The following DPP6 variants were observed in gnomAD, a reference collection of about 807,000 sequenced individuals.
DPP6 encodes dipeptidyl peptidase like 6, also known as A-type potassium channel modulatory protein DPP6.
A neutral mutation model predicts 122.6 loss-of-function variants in DPP6; 69 were observed. That is an observed-to-expected ratio of 0.56 (90% CI 0.46 to 0.69). The LOEUF is 0.69. Ranked by LOEUF, DPP6 falls within the 30% of genes least tolerant of loss-of-function variation. DPP6 has a pLI of 0.00. For synonymous variants in DPP6, 418 were observed against 433.1 expected (o/e 0.97, Z 0.43); for missense variants, 928 against 1,116.9 (o/e 0.83, Z 2.41).
intron 6 of DPP6, among the ~76,000 whole-genome samples, chr7:154,653,492 T>TGATA (rs535495757): frequency 1.3e-5 from 2 of 152,206 alleles, no homozygotes; most frequent in South Asian, 2.1e-4. Flanking sequence ...AATCCATGGA[T>TGATA]GATAGATAGA....
At chr7:153,879,003 A>C in the DPP6 span, among the ~76,000 whole-genome samples, 1 of 152,034 alleles carries the variant, frequency 6.6e-6, no homozygotes, top group South Asian at 2.1e-4. Context: ...ACAGAAAAAG[A>C]AAAAAAATGA....
chr7:154,262,279 G>A (rs1803079074), intron 1 of DPP6, among the ~76,000 whole-genome samples: 1 of 152,142 alleles, frequency 6.6e-6, no homozygotes, highest in Admixed American at 6.5e-5. Flanking sequence ...TTGGTTGTGA[G>A]GACCTCAGAA....
At chr7:154,183,162 T>G (rs1417574381) in intron 1 of DPP6, among the ~76,000 whole-genome samples, 1 of 152,214 alleles carries the variant, frequency 6.6e-6, no homozygotes, top group Non-Finnish European at 1.5e-5. Flanking sequence ...TCTTCCTCCT[T>G]TCTTGCCCCC....
At chr7:153,907,620 C>T (rs1799904012) in intron 1 of DPP6, among the ~76,000 whole-genome samples, 1 of 152,146 alleles carries the variant, frequency 6.6e-6, no homozygotes, top group African/African-American at 2.4e-5. Context: ...ATTGCCTTCC[C>T]TGGTGCAGTG....
At chr7:153,795,811 G>T in the DPP6 span, among the ~76,000 whole-genome samples, 5 of 150,264 alleles carry the variant, frequency 3.3e-5, no homozygotes, top group Non-Finnish European at 7.4e-5. Flanking sequence ...TCATTCCCTT[G>T]AAAATTCTTT....
chr7:153,994,871 A>T (rs867194866), intron 1 of DPP6, among the ~76,000 whole-genome samples: 2 of 152,216 alleles, frequency 1.3e-5, no homozygotes, highest in Non-Finnish European at 2.9e-5. Flanking sequence ...GTTTTAGAAG[A>T]TGCTTTTGGG....
the DPP6 span, among the ~76,000 whole-genome samples, chr7:153,803,198 A>T: frequency 6.6e-6 from 1 of 150,554 alleles, no homozygotes; most frequent in Non-Finnish European, 1.5e-5. Flanking sequence ...CTAGCCTGGG[A>T]TATTTATCCA....
At chr7:154,053,627 T>C (rs1800579567) in intron 1 of DPP6, among the ~76,000 whole-genome samples, 1 of 151,640 alleles carries the variant, frequency 6.6e-6, no homozygotes, top group Non-Finnish European at 1.5e-5. Flanking sequence ...ATGGTGATTA[T>C]CCTTTCCGGA....
In DPP6 at chr7:154,486,141, G is replaced by GTT. The variant is rs113303123; in HGVS notation, c.457+11113_457+11114dup. On this transcript the variant is annotated intron_variant, in intron 3 of 25. Coordinates refer to ENST00000377770, the MANE Select transcript of DPP6 (RefSeq NM_130797.4). This position sits in a 1 kb window ranked among gnomAD's most constrained non-coding sequence, Gnocchi z 4.5. ...CACCCCTACTCATGGCCTCTATTTT[G>GTT]TTTTTTTTTTGAGATGGAGTCTCAC... Among the ~76,000 whole-genome samples the GTT allele has an allele frequency of 0.039, 5,744 of 146,910 alleles. 326 individuals carry two copies. The highest frequency in any genetic ancestry group is 0.12 in the African/African-American group (4,879 of 40,030).
chr7:154,577,853 A>G (rs962650214), intron 5 of DPP6, among the ~76,000 whole-genome samples: 9 of 152,116 alleles, frequency 5.9e-5, no homozygotes, highest in Admixed American at 2.6e-4. Context: ...ATTAATATAG[A>G]CCCAGTTACT....
At chr7:154,485,111 G>A (rs547279985) in intron 3 of DPP6, among the ~76,000 whole-genome samples, 4 of 152,178 alleles carry the variant, frequency 2.6e-5, no homozygotes, top group Non-Finnish European at 2.9e-5. Flanking sequence ...AAGTCCCCTC[G>A]AGGGCACTTG....
chr7:153,907,664 A>G (rs1001212001), intron 1 of DPP6, among the ~76,000 whole-genome samples: 3 of 152,152 alleles, frequency 2.0e-5, no homozygotes, highest in African/African-American at 2.4e-5. Context: ...TCTGGATAGA[A>G]CAAGAGGCTG....
At chr7:154,313,721 A>ACG (rs1807161654) in intron 1 of DPP6, among the ~76,000 whole-genome samples, 1 of 48,748 alleles carries the variant, frequency 2.1e-5, no homozygotes, top group African/African-American at 8.6e-5. Context: ...ATATACACAC[A>ACG]CACGCACGCA....
At chr7:154,858,063 CA>C (rs2150589812) in intron 17 of DPP6, among the ~76,000 whole-genome samples, 1 of 152,184 alleles carries the variant, frequency 6.6e-6, no homozygotes, top group East Asian at 1.9e-4. Context: ...CTGAACAACT[CA>C]GACAACCGTG....
chr7:154,489,708 G>A (rs1184084753), intron 3 of DPP6, among the ~76,000 whole-genome samples: 1 of 151,622 alleles, frequency 6.6e-6, no homozygotes, highest in Non-Finnish European at 1.5e-5. Context: ...GAATATTTTG[G>A]GATCCTCTGA....
At chr7:153,901,604 G>C (rs1265729213) in intron 1 of DPP6, among the ~76,000 whole-genome samples, 2 of 152,228 alleles carry the variant, frequency 1.3e-5, no homozygotes, top group Non-Finnish European at 2.9e-5. Context: ...GGTGATGTCA[G>C]CTTCTACCAG....
chr7:153,816,443 G>C, the DPP6 span, among the ~76,000 whole-genome samples: 1 of 152,076 alleles, frequency 6.6e-6, no homozygotes, highest in East Asian at 1.9e-4. Flanking sequence ...TTGTAACAGT[G>C]AAAAATTGGA....
chr7:153,803,045 T>G, the DPP6 span, among the ~76,000 whole-genome samples: 1 of 151,268 alleles, frequency 6.6e-6, no homozygotes, highest in Admixed American at 6.6e-5. Context: ...TGTGAGAGCA[T>G]GGTCTCTCAT....
At chr7:154,332,681 G>A (rs913518290) in intron 1 of DPP6, among the ~76,000 whole-genome samples, 1 of 152,226 alleles carries the variant, frequency 6.6e-6, no homozygotes, top group African/African-American at 2.4e-5. Flanking sequence ...ACAGTTGTTT[G>A]TTCATGGATC....
Sources: allele counts gnomAD v4.1 joint callset (sites outside exome capture counted in the v4.1 genomes callset), GRCh38; gene constraint gnomAD v4.1.1; non-coding constraint Gnocchi (gnomAD v3.1); transcripts MANE v1.5; gene names NCBI Gene and HGNC (gene_info 2026-07-23, HGNC 2026-07-21).